SMS: variants seen among roughly 807,000 people sequenced by gnomAD.
SMS encodes the protein spermidine aminopropyltransferase.
A neutral mutation model predicts 33.0 loss-of-function variants in SMS; 3 were observed. The ratio of observed to expected loss-of-function variants is 0.09; its 90% CI spans 0.04 to 0.23. The LOEUF is 0.23. Ranked by LOEUF, SMS falls within the 10% of genes least tolerant of loss-of-function variation. The probability of loss-of-function intolerance (pLI) is 1.00; values close to 1 mark genes in which losing one functional copy is unlikely to be tolerated. For missense variants in SMS, 117 were observed against 288.6 expected (o/e 0.41, Z 4.31); for synonymous variants, 103 against 112.2 (o/e 0.92, Z 0.52).
At chrX:21,984,846 C>T (rs1371123490) in intron 8 of SMS, among the ~76,000 whole-genome samples, 2 of 111,208 alleles carry the variant, frequency 1.8e-5, no homozygotes, top group East Asian at 5.6e-4. Context: ...CTCTGAATTT[C>T]TCTCAGGATT....
intron 9 of SMS, among the ~76,000 whole-genome samples, chrX:21,990,843 C>T (rs1367805781): frequency 8.9e-6 from 1 of 112,709 alleles, no homozygotes; most frequent in African/African-American, 3.2e-5. Flanking sequence ...TTAAATTACA[C>T]GTGTGGTGTT....
chrX:21,971,838 C>CTTTT, intron 2 of SMS, 59 bp from the exon 3 acceptor site: 1 of 573,995 alleles, frequency 1.7e-6, no homozygotes, highest in Non-Finnish European at 2.7e-6. Context: ...CTCTCTCTCT[C>CTTTT]TTTTTTTTTT....
At chrX:21,969,858 A>G (rs1045880387) in intron 2 of SMS, among the ~76,000 whole-genome samples, 1 of 113,146 alleles carries the variant, frequency 8.8e-6, no homozygotes, top group African/African-American at 3.2e-5. Context: ...TCTGTTGCCC[A>G]GGCTGGAGTG....
intron 2 of SMS, among the ~76,000 whole-genome samples, chrX:21,971,055 G>T (rs139940767): frequency 1.7e-3 from 190 of 109,628 alleles, no homozygotes; most frequent in African/African-American, 6.1e-3. Flanking sequence ...AATTAGCCAG[G>T]TGTGGTGGGA....
chrX:21,979,261 C>T (rs1411825524), intron 7 of SMS, among the ~76,000 whole-genome samples: 6 of 109,899 alleles, frequency 5.5e-5, no homozygotes, highest in Admixed American at 1.9e-4. Context: ...TAGGTATACA[C>T]GTGCCATGGT....
intron 9 of SMS, among the ~76,000 whole-genome samples, chrX:21,987,452 C>G (rs374171438): frequency 5.3e-4 from 59 of 112,234 alleles, no homozygotes; most frequent in African/African-American, 1.9e-3. Flanking sequence ...CTGCTTTGCC[C>G]TCCCAAAGTG....
intron 7 of SMS, among the ~76,000 whole-genome samples, chrX:21,980,429 A>AAAAAT (rs1260210326): frequency 1.6e-3 from 100 of 63,031 alleles, no homozygotes; most frequent in East Asian, 3.9e-3. Flanking sequence ...AAAAAAAAAA[A>AAAAAT]ATATATATAT....
At chrX:21,979,926 T>C (rs1924799109) in intron 7 of SMS, among the ~76,000 whole-genome samples, 1 of 94,731 alleles carries the variant, frequency 1.1e-5, no homozygotes, top group East Asian at 3.2e-4. Context: ...AGAGCGAGAA[T>C]GTCTCAAAAA....
intron 1 of SMS, among the ~76,000 whole-genome samples, chrX:21,948,062 A>G (rs890093062): frequency 9.0e-6 from 1 of 111,534 alleles, no homozygotes; most frequent in Non-Finnish European, 1.9e-5. Flanking sequence ...GTTATGCTCT[A>G]TATGACTCCA....
At chrX:21,954,731 A>AT (rs1198677392) in intron 1 of SMS, among the ~76,000 whole-genome samples, 12 of 108,321 alleles carry the variant, frequency 1.1e-4, no homozygotes, top group South Asian at 3.8e-4. Flanking sequence ...TAAATGTGAT[A>AT]TTTTTTTTTG....
chrX:21,983,839 G>C (rs1254284943), intron 7 of SMS, among the ~76,000 whole-genome samples: 1 of 111,080 alleles, frequency 9.0e-6, no homozygotes, highest in Non-Finnish European at 1.9e-5. Flanking sequence ...CCTGGGCAAC[G>C]TAGTGAGACC....
At chrX:21,976,574 A>C (rs1924544952) in intron 4 of SMS, among the ~76,000 whole-genome samples, 1 of 79,258 alleles carries the variant, frequency 1.3e-5, no homozygotes, top group Admixed American at 1.2e-4. Flanking sequence ...TATACGTTAC[A>C]TGAGGATAAA....
intron 7 of SMS, among the ~76,000 whole-genome samples, chrX:21,982,271 G>A (rs1214170270): frequency 9.5e-6 from 1 of 105,237 alleles, no homozygotes; most frequent in African/African-American, 3.5e-5. Context: ...CCGGGAGGCA[G>A]AGCTTGCAGT....
chrX:21,986,952 A>T (rs1925380822), intron 9 of SMS, among the ~76,000 whole-genome samples: 1 of 110,102 alleles, frequency 9.1e-6, no homozygotes, highest in South Asian at 3.8e-4. Flanking sequence ...ACCTGCTCAA[A>T]TGAAGCTTTC....
chrX:21,951,331 A>G (rs1440132250), intron 1 of SMS, among the ~76,000 whole-genome samples: 1 of 112,196 alleles, frequency 8.9e-6, no homozygotes, highest in Non-Finnish European at 1.9e-5. Context: ...TGGATTCTGG[A>G]TATTAGAGCT....
chrX:21,979,511 T>C (rs1375230524), intron 7 of SMS, among the ~76,000 whole-genome samples: 3 of 110,757 alleles, frequency 2.7e-5, no homozygotes, highest in East Asian at 5.7e-4. Context: ...GCTTCATCCA[T>C]GTCCTTGCAG....
At chrX:21,974,901 G>A (rs1338269946) in intron 4 of SMS, among the ~76,000 whole-genome samples, 5 of 100,847 alleles carry the variant, frequency 5.0e-5, no homozygotes, top group African/African-American at 1.5e-4. Flanking sequence ...AAGATCAGAG[G>A]TTAAATGTTA....
intron 1 of SMS, among the ~76,000 whole-genome samples, chrX:21,951,908 G>C (rs1274077172): frequency 9.0e-6 from 1 of 111,634 alleles, no homozygotes; most frequent in Non-Finnish European, 1.9e-5. Context: ...TATGGGGTTA[G>C]GGAAATGTAA....
chrX:21,940,922 G>T, intron 1 of SMS, 49 bp downstream of exon 1: 1 of 909,483 alleles, frequency 1.1e-6, no homozygotes, highest in Admixed American at 3.5e-5. Flanking sequence ...CGCTCCCGCC[G>T]CCTGGCGGGC....
Sources: allele counts gnomAD v4.1 joint callset (sites outside exome capture counted in the v4.1 genomes callset), GRCh38; gene constraint gnomAD v4.1.1; transcripts MANE v1.5; gene names NCBI Gene and HGNC (gene_info 2026-07-23, HGNC 2026-07-21).